Variants in AASS observed in about 807,000 individuals in gnomAD.
AASS encodes alpha-aminoadipic semialdehyde synthase, mitochondrial.
In AASS, 86 loss-of-function variants were observed where a neutral mutation model predicts 105.4. The observed-to-expected ratio is 0.82, with a 90% CI of 0.69 to 0.98. The LOEUF is 0.98. AASS is among the 50% of genes least tolerant of loss of function. The probability of loss-of-function intolerance (pLI) is 0.00; values close to 1 mark genes in which losing one functional copy is unlikely to be tolerated. For missense variants in AASS, 1,048 were observed against 1,143.2 expected, an observed-to-expected ratio of 0.92 and a Z score of 1.20; for synonymous variants, 381 against 394.8, an observed-to-expected ratio of 0.96 and a Z score of 0.41.
At chr7:122,080,843 T>G (rs548855630) in intron 20 of AASS, among the ~76,000 whole-genome samples, 1 of 152,282 alleles carries the variant, frequency 6.6e-6, no homozygotes, top group Non-Finnish European at 1.5e-5. Flanking sequence ...GCAACATTGG[T>G]CCTTTTCTCC....
chr7:122,108,735 GA>G (rs1327245843), intron 11 of AASS, among the ~76,000 whole-genome samples: 1 of 151,874 alleles, frequency 6.6e-6, no homozygotes, highest in African/African-American at 2.4e-5. Context: ...ATGGAAAATT[GA>G]AAGCTTTTTC....
At chr7:122,085,729 G>T (rs924947009) in intron 19 of AASS, among the ~76,000 whole-genome samples, 1 of 152,130 alleles carries the variant, frequency 6.6e-6, no homozygotes, top group African/African-American at 2.4e-5. Context: ...CTGGAAAGAA[G>T]AGCTGAGACG....
chr7:122,074,574 G>A lies in AASS; in HGVS notation c.*1915C>T, dbSNP rs537061584. On this transcript the variant is annotated 3_prime_UTR_variant, in exon 24 of 24. Transcript: ENST00000417368. ...CTAATTCAAAGTCAGAAAGATTTAC[G>A]CCATGTTTTCTTTGAAGATACTTAC... 6.6e-6 allele frequency among the ~76,000 whole-genome samples: 1 copy of A among 152,122 alleles called. No homozygotes were observed. The highest frequency in any genetic ancestry group is 2.4e-5 in the African/African-American group (1 of 41,490).
chr7:122,101,068 A>G (rs1160046439), intron 13 of AASS, among the ~76,000 whole-genome samples: 1 of 151,870 alleles, frequency 6.6e-6, no homozygotes, highest in East Asian at 1.9e-4. Flanking sequence ...ATCATGTATC[A>G]AAAGCTAGAG....
At chr7:122,078,456 A>G (rs1793140374) in intron 22 of AASS, among the ~76,000 whole-genome samples, 1 of 152,078 alleles carries the variant, frequency 6.6e-6, no homozygotes, top group Non-Finnish European at 1.5e-5. Context: ...TACTAAAAAT[A>G]CAAAAATTAG....
intron 18 of AASS, among the ~76,000 whole-genome samples, chr7:122,087,654 G>A (rs994597449): frequency 6.6e-6 from 1 of 152,134 alleles, no homozygotes; most frequent in South Asian, 2.1e-4. Context: ...CTGAGCCCAG[G>A]AGTTTGAGAA....
rs764308821 is a variant in AASS, at chr7:122,133,509, A to G, written c.210+8T>C. ...TTATTCTCACATAAAAATATTGGAA[A>G]TACTCACCTTATCATGAATGGCCCG... On this transcript the variant is annotated splice_region_variant and intron_variant, in intron 2 of 23. Coordinates refer to ENST00000417368, the MANE Select transcript of AASS (RefSeq NM_005763.4). 2 of 1,613,960 alleles carry G rather than the reference A, an allele frequency of 1.2e-6. No individual in the cohort carries two copies. The highest frequency in any genetic ancestry group is 1.7e-6 in the Non-Finnish European group (2 of 1,179,826).
chr7:122,112,365 A>G (rs978378382), intron 11 of AASS, among the ~76,000 whole-genome samples: 6 of 152,204 alleles, frequency 3.9e-5, no homozygotes, highest in African/African-American at 9.6e-5. Flanking sequence ...TCCAATAGGA[A>G]AAAGAAAGGG....
At chr7:122,101,524 G>T in intron 12 of AASS, 86 bp from the exon 13 acceptor site, 1 of 1,474,324 alleles carries the variant, frequency 6.8e-7, no homozygotes, top group Non-Finnish European at 9.5e-7. Context: ...AGAAAAGACA[G>T]AATGACAAAG....
chr7:122,113,453 GT>G (rs894181891), intron 10 of AASS, 144 bp downstream of exon 10: 38 of 1,106,098 alleles, frequency 3.4e-5, no homozygotes, highest in Admixed American at 6.1e-5. Flanking sequence ...AAATGTGCAT[GT>G]TTTTTTCCCC....
chr7:122,087,677 C>T (rs1446842570), intron 18 of AASS, among the ~76,000 whole-genome samples: 3 of 152,128 alleles, frequency 2.0e-5, no homozygotes, highest in Admixed American at 6.6e-5. Context: ...GCCTGAGCGA[C>T]ACAGCAAGAC....
intron 1 of AASS, among the ~76,000 whole-genome samples, chr7:122,142,321 A>G (rs911797259): frequency 4.6e-5 from 7 of 152,048 alleles, no homozygotes; most frequent in Admixed American, 3.3e-4. Context: ...AGGCTTGCCT[A>G]CTCCTCAAAA....
intron 1 of AASS, 61 bp from the exon 2 acceptor site, chr7:122,133,802 G>T (rs1237107599): frequency 5.0e-6 from 7 of 1,404,938 alleles, no homozygotes; most frequent in Non-Finnish European, 7.0e-6. Flanking sequence ...GATCAGTTCT[G>T]GTCTCCTGAG....
Position 122,099,323 on chromosome 7 carries a change from T to C in AASS, c.1407-457A>G, listed in dbSNP as rs1794322985. ...GAAGACAACAATTTGAGGAAGAGAA[T>C]ATTATTATCCATATTAGAAATTGTT... On this transcript the variant is annotated intron_variant, in intron 13 of 23. Transcript: ENST00000417368. 2.6e-5 allele frequency among the ~76,000 whole-genome samples: 4 copies of C among 151,912 alleles called. 1 individual carries two copies. In the South Asian group the frequency reaches 6.2e-4, roughly 24 times the overall value.
chr7:122,081,467 GGAGCAGATA>G, intron 20 of AASS, 24 bp downstream of exon 20: 1 of 1,505,350 alleles, frequency 6.6e-7, no homozygotes, highest in South Asian at 1.1e-5. Context: ...TTTCTGAAAA[GGAGCAGATA>G]GAACGTAATT....
intron 3 of AASS, among the ~76,000 whole-genome samples, chr7:122,128,622 T>C (rs1337199674): frequency 6.6e-6 from 1 of 152,210 alleles, no homozygotes; most frequent in African/African-American, 2.4e-5. Flanking sequence ...ATAAAGATAC[T>C]TTACTCTTTG....
At chr7:122,133,438 T>C in intron 2 of AASS, 79 bp downstream of exon 2, 1 of 1,483,042 alleles carries the variant, frequency 6.7e-7, no homozygotes, top group South Asian at 1.2e-5. Flanking sequence ...TAGCAAACAT[T>C]TTATTTTCAC....
At chr7:122,086,599 T>C (rs1284361669) in intron 18 of AASS, among the ~76,000 whole-genome samples, 1 of 151,798 alleles carries the variant, frequency 6.6e-6, no homozygotes, top group South Asian at 2.1e-4. Context: ...TAAACAAAAT[T>C]ATTTTATATA....
At chr7:122,085,037 C>T (rs544432727) in intron 19 of AASS, among the ~76,000 whole-genome samples, 1 of 152,230 alleles carries the variant, frequency 6.6e-6, no homozygotes, top group East Asian at 1.9e-4. Flanking sequence ...TAATTAAGGA[C>T]CTCAATATGA....
Sources: gnomAD v4.1 joint callset for allele counts (sites outside exome capture counted in the v4.1 genomes callset) on GRCh38, gnomAD v4.1.1 for gene constraint, MANE v1.5 for transcripts, NCBI Gene and HGNC (gene_info 2026-07-23, HGNC 2026-07-21) for gene names.